NCR1: variants seen among roughly 807,000 people sequenced by gnomAD.
The protein encoded by NCR1 is NK cell-activating receptor.
In NCR1, 30 loss-of-function variants were observed where a neutral mutation model predicts 32.5. The observed-to-expected ratio is 0.92, with a 90% CI of 0.69 to 1.25. NCR1 has a LOEUF of 1.25. Among genes scored for constraint, NCR1 ranks in the 50% most tolerant of loss-of-function variants. The pLI, the probability that NCR1 is intolerant of heterozygous loss-of-function variation, is 0.00. For missense variants in NCR1, 369 were observed against 380.7 expected (o/e 0.97, Z 0.26); for synonymous variants, 169 against 143.4 (o/e 1.18, Z -1.28).
chr19:54,903,397 T>C (rs188328195), upstream of NCR1, among the ~76,000 whole-genome samples: 246 of 138,014 alleles, frequency 1.8e-3, 5 homozygotes, highest in South Asian at 3.7e-3. Flanking sequence ...TACATATATG[T>C]ATATGTATGT....
the NCR1 span, among the ~76,000 whole-genome samples, chr19:54,930,230 G>T: frequency 6.6e-6 from 1 of 151,994 alleles, no homozygotes; most frequent in Non-Finnish European, 1.5e-5. Flanking sequence ...ACATTGGGAG[G>T]CCGAGGTGGG....
At chr19:54,904,863 G>A (rs1209192607), upstream of NCR1, among the ~76,000 whole-genome samples, 4 of 152,086 alleles carry the variant, frequency 2.6e-5, no homozygotes, top group Non-Finnish European at 5.9e-5. Context: ...GTGTTAACTC[G>A]CTTAGGATAA....
At chr19:54,930,490 A>G in the NCR1 span, 8 of 1,582,742 alleles carry the variant, frequency 5.1e-6, no homozygotes, top group Non-Finnish European at 6.9e-6. Context: ...GAAAAAGAAA[A>G]TCGCCTACCG....
chr19:54,936,235 G>A, the NCR1 span: 1 of 1,606,592 alleles, frequency 6.2e-7, no homozygotes, highest in Admixed American at 1.7e-5. Context: ...CCAGGTGCTG[G>A]GGAGAGCCGT....
chr19:54,912,953 C>A lies in NCR1; in HGVS notation c.*82C>A. The A allele has an allele frequency of 7.3e-7, 1 of 1,373,090 alleles. No homozygotes were observed. The highest frequency in any genetic ancestry group is 9.9e-7 in the Non-Finnish European group (1 of 1,007,238). The allele number at this position is 1,373,090 out of a possible 1,614,324, so 85.1% of individuals were successfully genotyped here. A position where few individuals can be genotyped will look rare whatever the true frequency, so the allele number is the denominator to read the frequency against. On this transcript the variant is annotated 3_prime_UTR_variant, in exon 7 of 7. Transcript: ENST00000291890. ...GGGCGGCGTGAGCTCTGTGTTGGACCCACGGAGGAGGGAGTCACTGCAGGG... is the reference window on the plus strand; with the variant it reads ...GGGCGGCGTGAGCTCTGTGTTGGACACACGGAGGAGGGAGTCACTGCAGGG...
At chr19:54,907,070 G>A (rs956205338) in intron 3 of NCR1, among the ~76,000 whole-genome samples, 2 of 152,044 alleles carry the variant, frequency 1.3e-5, no homozygotes, top group Non-Finnish European at 2.9e-5. Context: ...GTATGACTGA[G>A]GAATGTCCTC....
intron 5 of NCR1, among the ~76,000 whole-genome samples, chr19:54,910,487 T>G (rs2067915208): frequency 6.6e-6 from 1 of 152,100 alleles, no homozygotes; most frequent in African/African-American, 2.4e-5. Flanking sequence ...GGAGAATTGT[T>G]GAACCTGGGA....
At chr19:54,934,745 T>C in the NCR1 span, 3 of 1,148,394 alleles carry the variant, frequency 2.6e-6, no homozygotes, top group African/African-American at 4.7e-5. This position sits in a 1 kb window ranked among gnomAD's most constrained non-coding sequence, Gnocchi z 6.7. Flanking sequence ...AGTTTCACTC[T>C]GTTGCCCAGT....
upstream of NCR1, among the ~76,000 whole-genome samples, chr19:54,901,253 C>T (rs1224880594): frequency 1.4e-5 from 2 of 145,268 alleles, no homozygotes; most frequent in Non-Finnish European, 3.0e-5. Context: ...TTGCGCCACT[C>T]AGGAGGCTGA....
At chr19:54,914,881 A>C (rs1213615003), downstream of NCR1, among the ~76,000 whole-genome samples, 5 of 151,848 alleles carry the variant, frequency 3.3e-5, no homozygotes, top group Admixed American at 2.6e-4. Context: ...CTGGGACTAG[A>C]GGCGCGCGCC....
chr19:54,920,215 G>A (rs985570875), downstream of NCR1, among the ~76,000 whole-genome samples: 5 of 152,120 alleles, frequency 3.3e-5, no homozygotes, highest in Admixed American at 6.5e-5. Flanking sequence ...CTTTGCAATT[G>A]TGAATGGCTG....
rs368771137 is a variant in NCR1 at position 54,906,187 on chromosome 19, G to T, written c.-1G>T. ...AGCACTAGGCCGGCAGAATCTGAGCGATGTCTTCCACACTCCCTGCCCTGC... is the reference window on the plus strand; with the variant it reads ...AGCACTAGGCCGGCAGAATCTGAGCTATGTCTTCCACACTCCCTGCCCTGC... On this transcript the variant is annotated 5_prime_UTR_variant, in exon 1 of 7. Coordinates refer to ENST00000291890, the MANE Select transcript of NCR1 (RefSeq NM_004829.7). The T allele has an allele frequency of 6.2e-7, 1 of 1,614,150 alleles. No homozygotes were observed. Among genetic ancestry groups the T allele is most frequent in the Admixed American group, 1.7e-5 (1 of 60,018 alleles).
the NCR1 span, chr19:54,938,166 A>C: frequency 6.2e-7 from 1 of 1,614,102 alleles, no homozygotes; most frequent in Non-Finnish European, 8.5e-7. Context: ...AGCTGAAGAG[A>C]GAGCAGAAAT....
chr19:54,912,195 CCA>C lies in NCR1; in HGVS notation c.713_714del (p.Thr238ArgfsTer37). On this transcript the variant is annotated frameshift_variant, in exon 6 of 7. Transcript: ENST00000291890. LOFTEE classifies it low-confidence loss of function (END_TRUNC). ...GACACTTGGGGCACCTACCTTTTAA[CCA>C]CAGAGACGGGACTCCAGAAAGGTAA... 6.2e-7 allele frequency: 1 copy of C among 1,613,942 alleles called. No individual in the cohort carries two copies. The highest frequency in any genetic ancestry group is 8.5e-7 in the Non-Finnish European group (1 of 1,179,908).
At chr19:54,919,231 G>A (rs1334305437), downstream of NCR1, among the ~76,000 whole-genome samples, 3 of 152,012 alleles carry the variant, frequency 2.0e-5, no homozygotes, top group Non-Finnish European at 4.4e-5. Flanking sequence ...AGAGACAAGA[G>A]AAAAGGCAGC....
At chr19:54,905,370 T>G (rs1181909233), upstream of NCR1, among the ~76,000 whole-genome samples, 1 of 151,686 alleles carries the variant, frequency 6.6e-6, no homozygotes, top group Non-Finnish European at 1.5e-5. Flanking sequence ...TATTATTATT[T>G]AGGTGCACCG....
the NCR1 span, among the ~76,000 whole-genome samples, chr19:54,926,347 T>G: frequency 6.6e-6 from 1 of 152,258 alleles, no homozygotes. Flanking sequence ...TCACAGAGCA[T>G]TTTAGAAAAG....
upstream of NCR1, among the ~76,000 whole-genome samples, chr19:54,903,469 C>T (rs587607683): frequency 4.8e-5 from 6 of 125,076 alleles, no homozygotes; most frequent in Admixed American, 9.7e-5. Flanking sequence ...TGTATGTATA[C>T]ACGGATACAT....
At chr19:54,916,316 G>GTTTTTT (rs2068130459), downstream of NCR1, among the ~76,000 whole-genome samples, 2 of 84,568 alleles carry the variant, frequency 2.4e-5, no homozygotes, top group Admixed American at 1.3e-4. Flanking sequence ...TGAATATTGT[G>GTTTTTT]CTTTTTTTTT....
Sources: gnomAD v4.1 joint callset for allele counts (sites outside exome capture counted in the v4.1 genomes callset) on GRCh38, gnomAD v4.1.1 for gene constraint, Gnocchi (gnomAD v3.1) non-coding constraint, MANE v1.5 for transcripts, NCBI Gene and HGNC (gene_info 2026-07-23, HGNC 2026-07-21) for gene names.